Variants in INPP4B observed in about 807,000 individuals in gnomAD.
INPP4B encodes inositol polyphosphate-4-phosphatase type II B.
INPP4B carries 55 observed loss-of-function variants against 122.5 expected under a neutral mutation model. That is an observed-to-expected ratio of 0.45 (90% CI 0.36 to 0.56). The LOEUF is 0.56. Among genes scored for constraint, INPP4B ranks in the 20% least tolerant of loss-of-function variants. The pLI is 0.00. For missense variants in INPP4B, 1,000 were observed against 1,097.7 expected (o/e 0.91, Z 1.26); for synonymous variants, 403 against 388.7 (o/e 1.04, Z -0.43).
intron 1 of INPP4B, among the ~76,000 whole-genome samples, chr4:142,796,768 T>C (rs1215627049): frequency 6.6e-6 from 1 of 151,906 alleles, no homozygotes; most frequent in Non-Finnish European, 1.5e-5. Context: ...AGGTTTCTGT[T>C]CATTCACCCT....
chr4:142,470,096 A>G (rs576482984), intron 2 of INPP4B, among the ~76,000 whole-genome samples: 66 of 152,176 alleles, frequency 4.3e-4, no homozygotes, highest in African/African-American at 7.5e-4. Flanking sequence ...GGAGGGGTCA[A>G]TTCTACTTTT....
intron 2 of INPP4B, among the ~76,000 whole-genome samples, chr4:142,702,012 A>G (rs1761844590): frequency 6.6e-6 from 1 of 152,172 alleles, no homozygotes; most frequent in Admixed American, 6.5e-5. Context: ...TACTGGAAAG[A>G]GTTAGGCTCC....
At chr4:142,087,007 C>A (rs553043418) in intron 23 of INPP4B, among the ~76,000 whole-genome samples, 10 of 152,262 alleles carry the variant, frequency 6.6e-5, no homozygotes, top group African/African-American at 2.2e-4. Flanking sequence ...CACATGAAAT[C>A]AGTTGCTATA....
rs375187887 is a variant in INPP4B, at chr4:142,238,861, T to C, written c.689-850A>G. Among the ~76,000 whole-genome samples the C allele has an allele frequency of 5.0e-4, 76 of 152,262 alleles. 1 individual carries two copies. The highest frequency in any genetic ancestry group is 6.8e-3 in the Middle Eastern group (2 of 294). On this transcript the variant is annotated intron_variant, in intron 11 of 25. Transcript: ENST00000262992. The stretch of plus-strand genomic sequence containing the variant: ...GGGGAGAATTTCATTTCCATTGCTC[T>C]TCAGCAATGAATGCCTATGTCACAC...
intron 16 of INPP4B, 52 bp downstream of exon 16, chr4:142,173,580 T>A (rs1030025501): frequency 8.0e-6 from 12 of 1,501,092 alleles, no homozygotes; most frequent in Non-Finnish European, 1.1e-5. Context: ...GCCAGACCAA[T>A]GGGAATTTGA....
At chr4:142,101,252 G>T (rs1230056275) in intron 23 of INPP4B, among the ~76,000 whole-genome samples, 1 of 152,094 alleles carries the variant, frequency 6.6e-6, no homozygotes, top group Non-Finnish European at 1.5e-5. Context: ...AGGTAAATAA[G>T]CAGAAAGTGG....
chr4:142,482,078 C>A (rs1820621387), intron 2 of INPP4B, among the ~76,000 whole-genome samples: 1 of 152,074 alleles, frequency 6.6e-6, no homozygotes, highest in Non-Finnish European at 1.5e-5. Flanking sequence ...CACTGGTGAG[C>A]CATAGGGTTT....
chr4:142,452,008 C>T (rs1814369668), intron 3 of INPP4B, among the ~76,000 whole-genome samples: 1 of 152,144 alleles, frequency 6.6e-6, no homozygotes, highest in Admixed American at 6.6e-5. Context: ...CACCCATCAA[C>T]TCATCATTTA....
At chr4:142,133,413 C>A (rs750498047) in intron 18 of INPP4B, among the ~76,000 whole-genome samples, 8 of 152,186 alleles carry the variant, frequency 5.3e-5, no homozygotes, top group African/African-American at 1.7e-4. Context: ...TTCATCACCT[C>A]CACTTGTCTT....
chr4:142,513,094 G>A (rs1023877096), intron 2 of INPP4B, among the ~76,000 whole-genome samples: 1 of 152,014 alleles, frequency 6.6e-6, no homozygotes, highest in African/African-American at 2.4e-5. Context: ...TAATATGACA[G>A]GGCACTTCAA....
At chr4:142,662,095 C>T (rs1256551664) in intron 2 of INPP4B, among the ~76,000 whole-genome samples, 2 of 151,986 alleles carry the variant, frequency 1.3e-5, no homozygotes, top group African/African-American at 2.4e-5. Context: ...ATTAACCGGG[C>T]GTGGTGGCAG....
intron 2 of INPP4B, among the ~76,000 whole-genome samples, chr4:142,542,380 AC>A (rs1424169986): frequency 6.6e-6 from 1 of 152,176 alleles, no homozygotes; most frequent in African/African-American, 2.4e-5. Context: ...ATAATCAAAA[AC>A]ATTCTTCCCT....
intron 2 of INPP4B, among the ~76,000 whole-genome samples, chr4:142,520,780 C>A (rs1181660625): frequency 6.6e-6 from 1 of 151,816 alleles, no homozygotes; most frequent in Non-Finnish European, 1.5e-5. Flanking sequence ...AGTATAATTT[C>A]TCCTCAGATT....
intron 5 of INPP4B, among the ~76,000 whole-genome samples, chr4:142,417,410 C>CT (rs879207662): frequency 1.1e-3 from 166 of 152,130 alleles, no homozygotes; most frequent in African/African-American, 3.9e-3. Context: ...GTTACGGAGT[C>CT]TTAGTATCTT....
intron 3 of INPP4B, among the ~76,000 whole-genome samples, chr4:142,454,436 A>G (rs1412383172): frequency 6.6e-6 from 1 of 152,112 alleles, no homozygotes; most frequent in Admixed American, 6.6e-5. Context: ...TTCCCACTTC[A>G]TGAACTATTC....
At chr4:142,369,909 G>A (rs1789171286) in intron 7 of INPP4B, among the ~76,000 whole-genome samples, 1 of 148,828 alleles carries the variant, frequency 6.7e-6, no homozygotes, top group Non-Finnish European at 1.5e-5. Context: ...CCAGGCCTGA[G>A]GGACAAAGTG....
At chr4:142,642,401 G>A (rs1453106850) in intron 2 of INPP4B, among the ~76,000 whole-genome samples, 1 of 152,154 alleles carries the variant, frequency 6.6e-6, no homozygotes, top group Non-Finnish European at 1.5e-5. Flanking sequence ...ATGGTTTTAG[G>A]TCCAACATTT....
intron 7 of INPP4B, among the ~76,000 whole-genome samples, chr4:142,363,903 CT>C (rs1002239031): frequency 7.2e-5 from 11 of 152,062 alleles, no homozygotes; most frequent in African/African-American, 2.7e-4. Flanking sequence ...TCACAGTGTG[CT>C]GCTGAGCTCA....
chr4:142,726,661 T>C (rs1003440145), intron 1 of INPP4B, among the ~76,000 whole-genome samples: 1 of 152,182 alleles, frequency 6.6e-6, no homozygotes, highest in African/African-American at 2.4e-5. Flanking sequence ...AGGTAAGAAT[T>C]TTAAATTCAC....
Sources: gnomAD v4.1 joint callset for allele counts (sites outside exome capture counted in the v4.1 genomes callset) on GRCh38, gnomAD v4.1.1 for gene constraint, MANE v1.5 for transcripts, NCBI Gene and HGNC (gene_info 2026-07-23, HGNC 2026-07-21) for gene names.